The following ABCC11 variants were observed in gnomAD, a reference collection of about 807,000 sequenced individuals.
ABCC11 encodes the protein ATP-binding cassette sub-family C member 11.
A neutral mutation model predicts 149.3 loss-of-function variants in ABCC11; 135 were observed. The observed-to-expected ratio is 0.90, with a 90% CI of 0.79 to 1.04. ABCC11 has a LOEUF of 1.04. Ranked by LOEUF, ABCC11 falls within the 50% of genes least tolerant of loss-of-function variation. The pLI is 0.00. For missense variants in ABCC11, 1,680 were observed against 1,722.1 expected (o/e 0.98, Z 0.43); for synonymous variants, 665 against 671.4 (o/e 0.99, Z 0.15).
chr16:48,210,755 G>C, intron 11 of ABCC11, 193 bp downstream of exon 11: 1 of 830,794 alleles, frequency 1.2e-6, no homozygotes, highest in South Asian at 2.1e-5. Context: ...AATTTTAAAT[G>C]ATAGATTAAT....
chr16:48,198,168 G>A lies in ABCC11; in HGVS notation c.2190C>T (p.Ile730=), dbSNP rs1373557934. ...MQKKGKYAQL[I]QKMHKEATSD... The stretch of plus-strand genomic sequence containing the variant: ...AAGTGGCTTCCTTGTGCATCTTCTG[G>A]ATAAGTTGGGCATATTTCCCCTTTT... The change falls in exon 16 of 30, where the codon ATC becomes ATT. Residue 730 remains isoleucine (I), a synonymous_variant. Coordinates refer to ENST00000356608, the MANE Select transcript of ABCC11 (RefSeq NM_001370497.1). The A allele has an allele frequency of 1.9e-6, 3 of 1,614,166 alleles. No homozygotes were observed. Among genetic ancestry groups the A allele is most frequent in the Non-Finnish European group, 2.5e-6 (3 of 1,180,034 alleles).
chr16:48,172,278 C>T (rs1382096372), intron 26 of ABCC11, among the ~76,000 whole-genome samples: 2 of 152,138 alleles, frequency 1.3e-5, no homozygotes, highest in Non-Finnish European at 2.9e-5. Context: ...TGTTTATAGA[C>T]GTATGACTTG....
At position 48,214,933 on chromosome 16, in the gene ABCC11, G is replaced by T; in HGVS notation, c.1196C>A (p.Ala399Glu). ...GGATGTGTGGATGAGAACCCAGACC[G>T]CTGTGGCCACTGTGGGGATGATGAA... ...TLFIIPTVAT[A>E]VWVLIHTSLK... The change falls in exon 9 of 30, where the codon GCG becomes GAG. Residue 399 changes from alanine to glutamate, a missense_variant. Coordinates refer to ENST00000356608, the MANE Select transcript of ABCC11 (RefSeq NM_001370497.1). 1.9e-6 allele frequency: 3 copies of T among 1,614,142 alleles called. No individual in the cohort carries two copies. Among genetic ancestry groups the T allele is most frequent in the Non-Finnish European group, 1.7e-6 (2 of 1,180,002 alleles).
intron 6 of ABCC11, among the ~76,000 whole-genome samples, chr16:48,220,584 T>A (rs546938568): frequency 9.2e-5 from 14 of 152,306 alleles, no homozygotes; most frequent in African/African-American, 2.9e-4. Flanking sequence ...CCCGTCTACA[T>A]GCTTTACATG....
At chr16:48,197,127 T>A (rs1259815352) in intron 17 of ABCC11, among the ~76,000 whole-genome samples, 1 of 147,604 alleles carries the variant, frequency 6.8e-6, no homozygotes, top group African/African-American at 2.5e-5. Context: ...GAGTTCGAGA[T>A]CAGCCTAGGC....
At chr16:48,187,635 C>T (rs949902925) in intron 20 of ABCC11, among the ~76,000 whole-genome samples, 2 of 152,186 alleles carry the variant, frequency 1.3e-5, no homozygotes, top group African/African-American at 4.8e-5. Context: ...CGGGCAAGTA[C>T]TGAGTTCCTC....
chr16:48,177,230 C>T (rs766459488), intron 24 of ABCC11, 117 bp from the exon 25 acceptor site: 1 of 1,011,380 alleles, frequency 9.9e-7, no homozygotes, highest in Non-Finnish European at 1.4e-6. Flanking sequence ...TGCCTTGCGC[C>T]AAGGTCAAGC....
intron 1 of ABCC11, among the ~76,000 whole-genome samples, chr16:48,243,993 G>GAATAAATAAATA (rs748559863): frequency 0.036 from 5,449 of 150,914 alleles, 293 homozygotes; most frequent in African/African-American, 0.11. Context: ...ATCTGTCTCA[G>GAATAAATAAATA]AATAAATAAA....
At chr16:48,189,922 C>G (rs1596708003) in intron 20 of ABCC11, among the ~76,000 whole-genome samples, 1 of 152,156 alleles carries the variant, frequency 6.6e-6, no homozygotes, top group African/African-American at 2.4e-5. Flanking sequence ...AAGTCAAAAC[C>G]CCCACTCCCA....
At chr16:48,175,185 A>G (rs1965967023) in intron 26 of ABCC11, 73 bp downstream of exon 26, 1 of 1,543,364 alleles carries the variant, frequency 6.5e-7, no homozygotes, top group Non-Finnish European at 8.8e-7. Context: ...CCAGCTCACT[A>G]TAGGCAGCCC....
intron 1 of ABCC11, among the ~76,000 whole-genome samples, chr16:48,232,556 A>T (rs75090330): frequency 0.027 from 4,064 of 151,662 alleles, 186 homozygotes; most frequent in African/African-American, 0.091. Flanking sequence ...TCTTTTTTTA[A>T]AAAAAAAATA....
rs1358822817 is a variant in ABCC11 at position 48,187,095 on chromosome 16, A to G, written c.2934-5T>C. On this transcript the variant is annotated splice_polypyrimidine_tract_variant and splice_region_variant and intron_variant, in intron 21 of 29. Coordinates refer to ENST00000356608, the MANE Select transcript of ABCC11 (RefSeq NM_001370497.1). ...CCGATGGCCTTCTTGAACATCCTGC[A>G]TGGACAGTGGAGGTAAGGGACCTGG... The G allele has an allele frequency of 1.2e-6, 2 of 1,614,222 alleles. No individual in the cohort carries two copies. The highest frequency in any genetic ancestry group is 3.3e-5 in the Admixed American group (2 of 60,030).
rs763374814 is a variant in ABCC11, at chr16:48,197,989, A to T, written c.2296T>A (p.Ser766Thr). ...SQALATSLEE[S>T]LNGNAVPEHQ... is the part of the protein sequence containing the mutation. Reference sequence around the variant, plus strand: ...CCATTACCAGCATTTCCGTTGAGAGACTCTTCCAGGGAGGTGGCCAGAGCC... The same window carrying T: ...CCATTACCAGCATTTCCGTTGAGAGTCTCTTCCAGGGAGGTGGCCAGAGCC... The change falls in exon 17 of 30, where the codon TCT becomes ACT. Residue 766 changes from serine (S) to threonine (T), a missense_variant. Transcript: ENST00000356608. 1 of 1,613,650 alleles carries T rather than the reference A, an allele frequency of 6.2e-7. No homozygotes were observed. The highest frequency in any genetic ancestry group is 1.7e-5 in the Admixed American group (1 of 59,972).
chr16:48,179,496 G>A (rs1322082456), intron 23 of ABCC11, among the ~76,000 whole-genome samples: 1 of 152,094 alleles, frequency 6.6e-6, no homozygotes, highest in East Asian at 1.9e-4. Flanking sequence ...GGACGTGCAG[G>A]GGGTGCTGGG....
At chr16:48,165,167 G>A (rs1169776581), downstream of ABCC11, 1 of 152,532 alleles carries the variant, frequency 6.6e-6, no homozygotes, top group African/African-American at 2.4e-5. Context: ...TCTGGGAATG[G>A]GGAAGCAGAG....
Position 48,200,319 on chromosome 16 carries a change from G to A in ABCC11, c.2039C>T (p.Thr680Ile), listed in dbSNP as rs757489355. The A allele has an allele frequency of 2.5e-6, 4 of 1,614,238 alleles. No individual in the cohort carries two copies. The highest frequency in any genetic ancestry group is 3.4e-6 in the Non-Finnish European group (4 of 1,180,038). Residue 680 changes from threonine to isoleucine, a missense_variant, in exon 15 of 30, where the codon ACA (threonine) becomes ATA (isoleucine). Physicochemically the swap from Thr to Ile is moderately conservative, Grantham distance 89. Transcript: ENST00000356608. ...CAGGACGACCGTCTTCCCCCTGAGT[G>A]TCTTCTTAATGCACTCCTCAAAAAT... ...KHIFEECIKKTLRGKTVVLVT... is the reference protein window; with the variant it reads ...KHIFEECIKKILRGKTVVLVT...
intron 20 of ABCC11, 53 bp from the exon 21 acceptor site, chr16:48,187,480 A>C: frequency 6.8e-7 from 1 of 1,467,798 alleles, no homozygotes; most frequent in African/African-American, 1.4e-5. Context: ...GCCCTGCTCA[A>C]GATTGGATGA....
chr16:48,238,277 C>T (rs934787120), intron 1 of ABCC11, among the ~76,000 whole-genome samples: 5 of 152,180 alleles, frequency 3.3e-5, no homozygotes, highest in African/African-American at 1.2e-4. Flanking sequence ...TTTCTCTTTC[C>T]CTTATCTGTT....
At position 48,176,938 on chromosome 16, in the gene ABCC11, C is replaced by T. The variant is rs781743926; in HGVS notation, c.3524G>A (p.Gly1175Glu). ...GCTCAGCTCACCAGAGCCCGTCCTT[C>T]CCACGATGCCCACCACTTCGTGGCC... ...IRGHEVVGIV[G>E]RTGSGKSSLG... Residue 1175 changes from glycine (G) to glutamate (E), a missense_variant, in exon 25 of 30, where the codon GGA becomes GAA. Gly to Glu is a moderately conservative substitution (Grantham distance 98). Coordinates refer to ENST00000356608, the MANE Select transcript of ABCC11 (RefSeq NM_001370497.1). 3.1e-6 allele frequency: 5 copies of T among 1,613,770 alleles called. No homozygotes were observed. In the South Asian group the frequency reaches 5.5e-5, roughly 18 times the overall value.
Sources: gnomAD v4.1 joint callset for allele counts (sites outside exome capture counted in the v4.1 genomes callset) on GRCh38, gnomAD v4.1.1 for gene constraint, MANE v1.5 for transcripts, NCBI Gene and HGNC (gene_info 2026-07-23, HGNC 2026-07-21) for gene names.